Variants in POM121 observed in about 807,000 individuals in gnomAD.
The protein encoded by POM121 is nuclear envelope pore membrane protein POM 121.
Under a neutral mutation model 81.3 loss-of-function variants are expected in POM121, and 32 were observed. The ratio of observed to expected loss-of-function variants is 0.39; its 90% CI spans 0.30 to 0.53. POM121 has a LOEUF of 0.53. POM121 is among the 20% of genes least tolerant of loss of function. The pLI is 0.66. For synonymous variants in POM121, 514 were observed against 694.2 expected (o/e 0.74, Z 4.08); for missense variants, 1,138 against 1,614.6 (o/e 0.70, Z 5.06).
At chr7:72,922,922 A>G (rs766702016), upstream of POM121, among the ~76,000 whole-genome samples, 413 of 152,040 alleles carry the variant, frequency 2.7e-3, no homozygotes, top group African/African-American at 4.2e-3. Flanking sequence ...CAATAGTTTA[A>G]AGAGCCCCTA....
Position 72,946,487 on chromosome 7 carries a change from TGGAGAACTAA to T in POM121, c.*257_*266del. 1 of 1,318,702 alleles carries T rather than the reference TGGAGAACTAA, an allele frequency of 7.6e-7. No homozygotes were observed. The highest frequency in any genetic ancestry group is 1.9e-5 in the South Asian group (1 of 53,804). The allele number at this position is 1,318,702 out of a possible 1,614,324, so 81.7% of individuals were successfully genotyped here. A position where few individuals can be genotyped will look rare whatever the true frequency, so the allele number is the denominator to read the frequency against. ...ACTTGAACAGTTCTACTGGGGAGGC[TGGAGAACTAA>T]GGAAACACCTGTACATAGTGTCCGC... On this transcript the variant is annotated 3_prime_UTR_variant, in exon 13 of 13. Transcript: ENST00000434423.
rs184749182 is a variant in POM121, at chr7:72,917,631, T to C, written c.-152+3803T>C. Among the ~76,000 whole-genome samples the C allele has an allele frequency of 2.3e-3, 358 of 152,354 alleles. 4 individuals are homozygous for C. Among genetic ancestry groups the C allele is most frequent in the South Asian group, 0.018 (87 of 4,828 alleles). On this transcript the variant is annotated intron_variant, in intron 4 of 15. Coordinates refer to the POM121 transcript ENST00000395270. ...ATGTGGTTTCAACAGCTGGAAGTTA[T>C]TTTCTCACAGTTCTAGAGGCCAGAA...
chr7:72,913,571 G>A (rs1304863286), intron 3 of POM121, among the ~76,000 whole-genome samples: 1 of 152,140 alleles, frequency 6.6e-6, no homozygotes, highest in African/African-American at 2.4e-5. Context: ...CTGACTGGAG[G>A]CTGCTCCTCT....
chr7:72,943,901 G>T (rs868929026), intron 11 of POM121, among the ~76,000 whole-genome samples: 2 of 151,938 alleles, frequency 1.3e-5, no homozygotes, highest in East Asian at 3.9e-4. Flanking sequence ...TTAGCCGGGC[G>T]TGGTGGTACC....
Position 72,939,325 on chromosome 7 carries a change from T to C in POM121, c.1368-11T>C, listed in dbSNP as rs566471860. The stretch of plus-strand genomic sequence containing the variant: ...CCTTTCTAGACTAAATTGTTCCTTT[T>C]TTCCTGACAGAGAAGAGGAGCTGTG... On this transcript the variant is annotated splice_polypyrimidine_tract_variant and intron_variant, in intron 6 of 12. Coordinates refer to ENST00000434423, the MANE Select transcript of POM121 (RefSeq NM_001387691.1). 6.2e-7 allele frequency: 1 copy of C among 1,613,702 alleles called. No individual in the cohort carries two copies. Among genetic ancestry groups the C allele is most frequent in the South Asian group, 1.1e-5 (1 of 91,010 alleles).
At chr7:72,897,420 C>T (rs1347453797) in intron 3 of POM121, among the ~76,000 whole-genome samples, 1 of 152,066 alleles carries the variant, frequency 6.6e-6, no homozygotes, top group Non-Finnish European at 1.5e-5. Context: ...TCAGCAAAGG[C>T]AAAGGTGGAG....
Position 72,948,271 on chromosome 7 carries a change from T to TTAAGAA in POM121, c.*2041_*2046dup, listed in dbSNP as rs1223974090. On this transcript the variant is annotated 3_prime_UTR_variant, in exon 13 of 13. Coordinates refer to ENST00000434423, the MANE Select transcript of POM121 (RefSeq NM_001387691.1). ...TGAGATTTTTCTCCTGCTTGTGACA[T>TTAAGAA]TAAGAATAAAAAACTGTGATCTATC... 1.3e-5 allele frequency: 20 copies of TTAAGAA among 1,491,274 alleles called. No homozygotes were observed. The highest frequency in any genetic ancestry group is 8.9e-6 in the Non-Finnish European group (10 of 1,120,696). 92.4% of individuals were successfully genotyped at this position (1,491,274 alleles called of 1,614,324 possible). A position where few individuals can be genotyped will look rare whatever the true frequency, so the allele number is the denominator to read the frequency against.
At chr7:72,879,651 C>T (rs1789932022) in exon 1 of POM121, 1 of 370,194 alleles carries the variant, frequency 2.7e-6, no homozygotes, top group Non-Finnish European at 5.2e-6. Flanking sequence ...TGTGTGTCCT[C>T]GGCGGCCTGG....
At chr7:72,919,701 C>T (rs1227286216) in intron 4 of POM121, among the ~76,000 whole-genome samples, 1 of 152,108 alleles carries the variant, frequency 6.6e-6, no homozygotes, top group East Asian at 1.9e-4. Context: ...GGGCTGGTCT[C>T]GAACTCTGAG....
intron 11 of POM121, 80 bp from the exon 12 acceptor site, chr7:72,945,506 C>G: frequency 6.4e-7 from 1 of 1,561,402 alleles, no homozygotes; most frequent in Non-Finnish European, 8.7e-7. Flanking sequence ...AAGTGCCCTG[C>G]GGAGCACAGG....
At chr7:72,915,384 GTTTGT>G (rs1310923675) in intron 4 of POM121, among the ~76,000 whole-genome samples, 1 of 152,102 alleles carries the variant, frequency 6.6e-6, no homozygotes, top group Non-Finnish European at 1.5e-5. Context: ...ACTGCTTTTT[GTTTGT>G]TTTTGAGACG....
In POM121 at chr7:72,943,144, G is replaced by T. The variant is rs201352265; in HGVS notation, c.3151G>T (p.Ala1051Ser). The T allele has an allele frequency of 1.4e-4, 224 of 1,613,298 alleles. No individual in the cohort carries two copies. The highest frequency in any genetic ancestry group is 5.0e-4 in the Middle Eastern group (3 of 6,032). Residue 1051 changes from alanine to serine, a missense_variant, in exon 11 of 13, where the codon GCC becomes TCC. By Grantham distance (99) the Ala-to-Ser change is moderately conservative. Transcript: ENST00000434423. ...KATASAFGAP[A>S]SSQPAFGGST... is the part of the protein sequence containing the mutation. ...CACGGCTTCGGCCTTCGGCGCTCCCGCCAGCTCACAGCCCGCCTTTGGCGG... is the reference window on the plus strand; with the variant it reads ...CACGGCTTCGGCCTTCGGCGCTCCCTCCAGCTCACAGCCCGCCTTTGGCGG...
chr7:72,894,962 G>A (rs1205315904), intron 3 of POM121, among the ~76,000 whole-genome samples: 3 of 152,170 alleles, frequency 2.0e-5, no homozygotes, highest in African/African-American at 4.8e-5. Flanking sequence ...ACATAGCTGG[G>A]ACTACAGGCC....
At chr7:72,917,720 T>C (rs1794416591) in intron 4 of POM121, among the ~76,000 whole-genome samples, 1 of 152,170 alleles carries the variant, frequency 6.6e-6, no homozygotes, top group African/African-American at 2.4e-5. Flanking sequence ...TCTCCCTGTG[T>C]GCAGCGATGA....
At chr7:72,941,279 C>T (rs1797040301) in intron 10 of POM121, among the ~76,000 whole-genome samples, 1 of 152,200 alleles carries the variant, frequency 6.6e-6, no homozygotes, top group South Asian at 2.1e-4. Context: ...TGCGGCACCT[C>T]TGAAGTGTGA....
intron 3 of POM121, among the ~76,000 whole-genome samples, chr7:72,910,266 A>G (rs1256361612): frequency 3.3e-5 from 5 of 152,346 alleles, no homozygotes; most frequent in African/African-American, 1.2e-4. Context: ...ACTGCTTTAA[A>G]GCTTTTTAAT....
At chr7:72,924,904 G>C (rs1795195953), upstream of POM121, 1 of 745,246 alleles carries the variant, frequency 1.3e-6, no homozygotes, top group African/African-American at 1.9e-5. Context: ...GATCGCCTCC[G>C]GATGGATGTG....
intron 3 of POM121, among the ~76,000 whole-genome samples, chr7:72,910,701 T>A (rs1371347847): frequency 2.0e-5 from 3 of 151,930 alleles, no homozygotes; most frequent in Non-Finnish European, 4.4e-5. Flanking sequence ...CAGGCTGTTT[T>A]CCTAGAGTAG....
At position 72,939,763 on chromosome 7, in the gene POM121, A is replaced by T; in HGVS notation, c.1442-84A>T. Reference sequence around the variant, plus strand: ...TTTCAGAGATACCCATTGAAAACTCAATGTGAAATGCGAAGTGGGTAGACA... The same window carrying T: ...TTTCAGAGATACCCATTGAAAACTCTATGTGAAATGCGAAGTGGGTAGACA... On this transcript the variant is annotated intron_variant, in intron 7 of 12. Transcript: ENST00000434423. 12 of 1,610,564 alleles carry T rather than the reference A, an allele frequency of 7.5e-6. No homozygotes were observed. In the South Asian group the frequency reaches 1.3e-4, roughly 18 times the overall value.
Sources: gnomAD v4.1 joint callset for allele counts (sites outside exome capture counted in the v4.1 genomes callset) on GRCh38, gnomAD v4.1.1 for gene constraint, MANE v1.5 for transcripts, NCBI Gene and HGNC (gene_info 2026-07-23, HGNC 2026-07-21) for gene names.